SLC4A8: variants seen among roughly 807,000 people sequenced by gnomAD.
SLC4A8 encodes the protein solute carrier family 4 member 8, also known as electroneutral sodium bicarbonate exchanger 1.
In SLC4A8, 40 loss-of-function variants were observed where a neutral mutation model predicts 125.0. The ratio of observed to expected loss-of-function variants is 0.32; its 90% confidence interval spans 0.25 to 0.42. The LOEUF is 0.42. Ranked by LOEUF, SLC4A8 falls within the 10% of genes least tolerant of loss-of-function variation. SLC4A8 has a pLI of 1.00. For synonymous variants in SLC4A8, 456 were observed against 476.0 expected (o/e 0.96, Z 0.55); for missense variants, 863 against 1,355.1 (o/e 0.64, Z 5.70).
intron 1 of SLC4A8, among the ~76,000 whole-genome samples, chr12:51,393,600 C>CA (rs1337207916): frequency 6.6e-6 from 1 of 152,142 alleles, no homozygotes; most frequent in Non-Finnish European, 1.5e-5. Flanking sequence ...TTGATGGAGT[C>CA]AGGAGAGAAG....
chr12:51,462,318 T>C lies in SLC4A8; in HGVS notation c.1110T>C (p.His370=), dbSNP rs749819775. Residue 370 remains histidine (H), a synonymous_variant, in exon 10 of 25, where the codon CAT becomes CAC. Transcript: ENST00000453097. ...TTTTCTCTTCTCTGTAGATTTTTCATGACGTAGCATATAAGGCAAAAGAGC... is the reference window on the plus strand; with the variant it reads ...TTTTCTCTTCTCTGTAGATTTTTCACGACGTAGCATATAAGGCAAAAGAGC... ...MATIMTDEIF[H]DVAYKAKERD... 1 of 1,614,084 alleles carries C rather than the reference T, an allele frequency of 6.2e-7. No homozygotes were observed.
chr12:51,503,881 G>T, intron 22 of SLC4A8, 148 bp from the exon 23 acceptor site: 1 of 549,684 alleles, frequency 1.8e-6, no homozygotes, highest in Non-Finnish European at 3.2e-6. Flanking sequence ...CTCTCATTTT[G>T]TGGTAACTCA....
At chr12:51,425,227 C>A (rs1242119736) in intron 1 of SLC4A8, 192 bp downstream of exon 1, 1 of 1,378,140 alleles carries the variant, frequency 7.3e-7, no homozygotes, top group Non-Finnish European at 9.3e-7. Flanking sequence ...GAGAGAGTGA[C>A]CTTGGGCCGA....
At chr12:51,425,478 G>A (rs1948940244) in intron 1 of SLC4A8, 1 of 977,470 alleles carries the variant, frequency 1.0e-6, no homozygotes, top group South Asian at 4.5e-5. Context: ...GTGGTTCAGA[G>A]GAAAAGCCAG....
intron 1 of SLC4A8, among the ~76,000 whole-genome samples, chr12:51,396,925 A>ATTTTTTTTTTTTTTTTT (rs753146267): frequency 9.4e-6 from 1 of 106,314 alleles, no homozygotes; most frequent in East Asian, 2.8e-4. Context: ...GCCTTAGTTA[A>ATTTTTTTTTTTTTTTTT]TTTTTTTTTT....
intron 1 of SLC4A8, among the ~76,000 whole-genome samples, chr12:51,438,556 T>C (rs1286976341): frequency 6.6e-6 from 1 of 152,242 alleles, no homozygotes; most frequent in Non-Finnish European, 1.5e-5. Flanking sequence ...TGATTCCATA[T>C]CTTGGCTATT....
upstream of SLC4A8, among the ~76,000 whole-genome samples, chr12:51,423,170 C>T (rs1162330512): frequency 1.3e-5 from 2 of 152,110 alleles, no homozygotes; most frequent in Non-Finnish European, 2.9e-5. Context: ...TCATTGCTTT[C>T]AAAGAACTTA....
In SLC4A8 at chr12:51,415,875, C is replaced by G. The variant is rs189651109; in HGVS notation, c.-112+24387C>G. On this transcript the variant is annotated intron_variant, in intron 1 of 24. Coordinates refer to the SLC4A8 transcript ENST00000358657. ...CAGTCCCCAGCATTACACAATATAA[C>G]CACATAAAAAATATGCAAATGTACC... Among the ~76,000 whole-genome samples, 10 of 148,606 alleles carry G rather than the reference C, an allele frequency of 6.7e-5. No individual in the cohort carries two copies. The East Asian group carries it at 2.0e-3, about 29-fold the overall frequency.
Position 51,474,461 on chromosome 12 carries a change from C to T in SLC4A8, c.2010+14C>T. ...CTGACTGTCAGTGTAAGTCTGGGAGCTGCCAGATGTCCTAGCATTGTGACC... is the reference window on the plus strand; with the variant it reads ...CTGACTGTCAGTGTAAGTCTGGGAGTTGCCAGATGTCCTAGCATTGTGACC... On this transcript the variant is annotated intron_variant, in intron 15 of 24. Coordinates refer to ENST00000453097, the MANE Select transcript of SLC4A8 (RefSeq NM_001039960.3). 3 of 1,611,264 alleles carry T rather than the reference C, an allele frequency of 1.9e-6. No individual in the cohort carries two copies. The highest frequency in any genetic ancestry group is 2.2e-5 in the South Asian group (2 of 90,632).
At chr12:51,411,397 A>G (rs577789453) in intron 1 of SLC4A8, among the ~76,000 whole-genome samples, 1 of 152,096 alleles carries the variant, frequency 6.6e-6, no homozygotes, top group South Asian at 2.1e-4. Flanking sequence ...AGACCAGCCT[A>G]GGCAACATAG....
At chr12:51,482,990 A>T (rs1449303685) in intron 16 of SLC4A8, among the ~76,000 whole-genome samples, 1 of 152,156 alleles carries the variant, frequency 6.6e-6, no homozygotes, top group Admixed American at 6.5e-5. Flanking sequence ...TAGCATCAGG[A>T]TATTAGCCAC....
chr12:51,470,580 G>C, intron 13 of SLC4A8, 55 bp downstream of exon 13: 2 of 1,516,876 alleles, frequency 1.3e-6, no homozygotes, highest in South Asian at 2.3e-5. Context: ...TATGCTGCCA[G>C]GATTAAATGT....
rs185813281 is a variant in SLC4A8 at position 51,406,462 on chromosome 12, T to C, written c.-112+14974T>C. ...CTGGCACAGTTACTCTAGAATGTGA[T>C]ATGAATGTGTAACAGAGGGGTGTGT... On this transcript the variant is annotated intron_variant, in intron 1 of 24. Coordinates refer to the SLC4A8 transcript ENST00000358657. 6.6e-5 allele frequency among the ~76,000 whole-genome samples: 10 copies of C among 152,294 alleles called. No homozygotes were observed. In the East Asian group the frequency reaches 1.9e-3, roughly 29 times the overall value.
rs1938323418 is a variant in SLC4A8, at chr12:51,510,368, G to A, written c.*2930G>A. The A allele has an allele frequency of 6.9e-6, 1 of 145,768 alleles. No homozygotes were observed. Among genetic ancestry groups the A allele is most frequent in the South Asian group, 2.3e-4 (1 of 4,398 alleles). 9.0% of individuals were successfully genotyped at this position (145,768 alleles called of 1,614,324 possible). ...GAACGCGGGAGGCAGAGCTTGCAGT[G>A]AGCCGAGATCATGCCACTGCACTCC... is the stretch of plus-strand genomic sequence containing the variant. On this transcript the variant is annotated 3_prime_UTR_variant, in exon 25 of 25. Transcript: ENST00000453097.
At chr12:51,433,004 G>T (rs1487412006) in intron 1 of SLC4A8, among the ~76,000 whole-genome samples, 3 of 152,190 alleles carry the variant, frequency 2.0e-5, no homozygotes, top group Non-Finnish European at 4.4e-5. Flanking sequence ...AGGAGCCTCA[G>T]GGGAAGTGTG....
intron 1 of SLC4A8, among the ~76,000 whole-genome samples, chr12:51,400,701 T>C (rs1948355163): frequency 7.9e-6 from 1 of 127,226 alleles, no homozygotes; most frequent in African/African-American, 3.0e-5. Flanking sequence ...CCAACGGTAC[T>C]TGAGAGGAGT....
intron 10 of SLC4A8, chr12:51,462,896 A>AAC (rs1239293215): frequency 1.3e-5 from 2 of 152,156 alleles, no homozygotes; most frequent in South Asian, 4.2e-4. Flanking sequence ...CCACCTCAAA[A>AAC]AAAAAAAAAA....
At chr12:51,403,371 G>C (rs888138889) in intron 1 of SLC4A8, 6 of 404,480 alleles carry the variant, frequency 1.5e-5, no homozygotes, top group Middle Eastern at 7.0e-4. Flanking sequence ...AGCCATGACA[G>C]CCTGTTGATG....
At chr12:51,461,351 G>T in intron 9 of SLC4A8, 60 bp downstream of exon 9, 1 of 993,680 alleles carries the variant, frequency 1.0e-6, no homozygotes. Context: ...TATTTACTCT[G>T]TGCCAGGCAA....
Sources: allele counts gnomAD v4.1 joint callset (sites outside exome capture counted in the v4.1 genomes callset), GRCh38; gene constraint gnomAD v4.1.1; transcripts MANE v1.5; gene names NCBI Gene and HGNC (gene_info 2026-07-23, HGNC 2026-07-21).